SETBP1: variants seen among roughly 807,000 people sequenced by gnomAD.
SETBP1 encodes SET binding protein 1, also known as SET-binding protein.
A neutral mutation model predicts 101.0 loss-of-function variants in SETBP1; 9 were observed. That is an observed-to-expected ratio of 0.09 (90% confidence interval 0.05 to 0.16). SETBP1 has a LOEUF of 0.16. Among genes scored for constraint, SETBP1 ranks in the 10% least tolerant of loss-of-function variants. The probability of loss-of-function intolerance (pLI) is 1.00; values close to 1 mark genes in which losing one functional copy is unlikely to be tolerated. For synonymous variants in SETBP1, 818 were observed against 788.5 expected, an observed-to-expected ratio of 1.04 and a Z score of -0.63; for missense variants, 1,858 against 2,033.8, an observed-to-expected ratio of 0.91 and a Z score of 1.66.
chr18:45,021,321 T>C (rs1198976558), intron 4 of SETBP1, among the ~76,000 whole-genome samples: 1 of 152,206 alleles, frequency 6.6e-6, no homozygotes, highest in Non-Finnish European at 1.5e-5. Flanking sequence ...GATGCCACGG[T>C]TTAAATCTAT....
intron 2 of SETBP1, among the ~76,000 whole-genome samples, chr18:44,817,010 C>T (rs1175969347): frequency 1.3e-5 from 2 of 152,132 alleles, no homozygotes; most frequent in African/African-American, 4.8e-5. Context: ...TAGGTTAAAT[C>T]CAGACAGCAC....
rs535565756 is a variant in SETBP1, at chr18:44,767,776, C to T, written c.486+65944C>T. Among the ~76,000 whole-genome samples, 9 of 152,166 alleles carry T rather than the reference C, an allele frequency of 5.9e-5. No homozygotes were observed. The East Asian group carries it at 1.4e-3, about 23-fold the overall frequency. ...GTTTGACATCATCACTTATTTACAG[C>T]GTAGATATTAAGTGGGAATAAAACG... is the stretch of plus-strand genomic sequence containing the variant. On this transcript the variant is annotated intron_variant, in intron 2 of 5. Transcript: ENST00000649279.
At position 45,063,944 on chromosome 18, in the gene SETBP1, A is replaced by G. The variant is rs866126500; in HGVS notation, c.*246A>G. The G allele has an allele frequency of 8.9e-6, 4 of 449,320 alleles. No homozygotes were observed. The highest frequency in any genetic ancestry group is 7.7e-5 in the South Asian group (3 of 39,150). The allele number at this position is 449,320 out of a possible 1,614,324, so 27.8% of individuals were successfully genotyped here. On this transcript the variant is annotated 3_prime_UTR_variant, in exon 6 of 6. Transcript: ENST00000649279. ...CGCAGCTCCCACCACGCGGCGCTTCAGTACGGCTGGATCCTCCGCAGGCGA... is the reference window on the plus strand; with the variant it reads ...CGCAGCTCCCACCACGCGGCGCTTCGGTACGGCTGGATCCTCCGCAGGCGA...
intron 4 of SETBP1, chr18:44,989,142 C>G (rs1477583030): frequency 1.3e-5 from 2 of 152,154 alleles, no homozygotes; most frequent in South Asian, 4.1e-4. Flanking sequence ...ATTAGACCCA[C>G]TATATCTGGA....
intron 5 of SETBP1, among the ~76,000 whole-genome samples, chr18:45,043,007 A>G (rs962343011): frequency 6.6e-6 from 1 of 152,190 alleles, no homozygotes; most frequent in African/African-American, 2.4e-5. Flanking sequence ...AGCGCCACTA[A>G]AGTTTGCTCA....
chr18:44,866,431 T>A (rs1298868099), intron 2 of SETBP1, among the ~76,000 whole-genome samples: 1 of 152,252 alleles, frequency 6.6e-6, no homozygotes, highest in Non-Finnish European at 1.5e-5. Flanking sequence ...TTAAGTCATT[T>A]GACAAACAGG....
Position 44,847,013 on chromosome 18 carries a change from G to A in SETBP1, c.487-22217G>A, listed in dbSNP as rs567047159. ...GGTGGTCCCGGTCACGCAAAGAAAC[G>A]TAACTGAAATGGCCAGACTAGGGCC... On this transcript the variant is annotated intron_variant, in intron 2 of 5. Coordinates refer to ENST00000649279, the MANE Select transcript of SETBP1 (RefSeq NM_015559.3). Among the ~76,000 whole-genome samples the A allele has an allele frequency of 5.3e-5, 8 of 152,258 alleles. No individual in the cohort carries two copies. The East Asian group carries it at 1.5e-3, about 29-fold the overall frequency.
At position 44,905,652 on chromosome 18, in the gene SETBP1, G is replaced by A. The variant is rs561540424; in HGVS notation, c.540+36369G>A. On this transcript the variant is annotated intron_variant, in intron 3 of 5. Transcript: ENST00000649279. ...GACAGAAATGGGGATGTTGCAACAAGCCACAACATTCACAGCATTCAGTAT... is the reference window on the plus strand; with the variant it reads ...GACAGAAATGGGGATGTTGCAACAAACCACAACATTCACAGCATTCAGTAT... Among the ~76,000 whole-genome samples the A allele has an allele frequency of 2.0e-5, 3 of 152,304 alleles. No homozygotes were observed. In the East Asian group the frequency reaches 5.8e-4, roughly 29 times the overall value.
intron 2 of SETBP1, among the ~76,000 whole-genome samples, chr18:44,849,199 A>T (rs1281230592): frequency 3.3e-5 from 5 of 152,196 alleles, no homozygotes; most frequent in Admixed American, 6.5e-5. Context: ...TATTAGTAAA[A>T]TATCTCGGGA....
intron 3 of SETBP1, among the ~76,000 whole-genome samples, chr18:44,897,219 C>A (rs16978219): frequency 0.092 from 13,946 of 152,220 alleles, 755 homozygotes; most frequent in East Asian, 0.19. Context: ...TGAGGTGTGG[C>A]CCACAGTCTG....
At chr18:44,806,567 A>G (rs1213852531) in intron 2 of SETBP1, among the ~76,000 whole-genome samples, 2 of 130,414 alleles carry the variant, frequency 1.5e-5, no homozygotes, top group African/African-American at 5.9e-5. Context: ...AAACTAGCCT[A>G]CGTTTTCTGA....
At chr18:44,786,016 C>A (rs1365184322) in intron 2 of SETBP1, among the ~76,000 whole-genome samples, 1 of 152,174 alleles carries the variant, frequency 6.6e-6, no homozygotes, top group African/African-American at 2.4e-5. Context: ...ATGACCTTCT[C>A]TGTTTCATGG....
intron 5 of SETBP1, among the ~76,000 whole-genome samples, chr18:45,045,363 G>A (rs759290236): frequency 3.9e-5 from 6 of 152,154 alleles, no homozygotes; most frequent in Admixed American, 1.3e-4. Context: ...CCTGGGAGGC[G>A]GAGGTTGTAG....
rs147664529 is a variant in SETBP1 at position 44,880,296 on chromosome 18, C to T, written c.540+11013C>T. Among the ~76,000 whole-genome samples, 21 of 152,284 alleles carry T rather than the reference C, an allele frequency of 1.4e-4. No individual in the cohort carries two copies. The East Asian group carries it at 4.1e-3, about 29-fold the overall frequency. ...CATCTGCAGAAAAGAGCCATCCAGG[C>T]TGCAGAACTCTTGTTTCCAGCAAAT... On this transcript the variant is annotated intron_variant, in intron 3 of 5. Coordinates refer to ENST00000649279, the MANE Select transcript of SETBP1 (RefSeq NM_015559.3).
chr18:44,682,535 G>A (rs1409793295), intron 1 of SETBP1, among the ~76,000 whole-genome samples: 3 of 152,152 alleles, frequency 2.0e-5, no homozygotes, highest in South Asian at 2.1e-4. Flanking sequence ...TGAGGGAGGC[G>A]TGAGCTCTTT....
chr18:44,947,548 C>A (rs1444141463), intron 3 of SETBP1, among the ~76,000 whole-genome samples: 1 of 149,862 alleles, frequency 6.7e-6, no homozygotes, highest in Non-Finnish European at 1.5e-5. Context: ...GCCCAGGTGC[C>A]CAGGCTTGAG....
chr18:44,716,442 G>T (rs927648422), intron 2 of SETBP1, among the ~76,000 whole-genome samples: 1 of 152,216 alleles, frequency 6.6e-6, no homozygotes. Flanking sequence ...GCTTGCTAAA[G>T]GTGAGGCCTT....
chr18:44,815,174 A>C lies in SETBP1; in HGVS notation c.487-54056A>C, dbSNP rs577485350. Reference sequence around the variant, plus strand: ...TAAGCTCTTATCATATTTCCAGTGCATGTTGAGCACTAAGGAGTAATAGAG... The same window carrying C: ...TAAGCTCTTATCATATTTCCAGTGCCTGTTGAGCACTAAGGAGTAATAGAG... On this transcript the variant is annotated intron_variant, in intron 2 of 5. Transcript: ENST00000649279. Among the ~76,000 whole-genome samples the C allele has an allele frequency of 2.0e-5, 3 of 152,350 alleles. No individual in the cohort carries two copies. The South Asian group carries it at 6.2e-4, about 32-fold the overall frequency.
chr18:44,954,619 C>T (rs9783858), intron 4 of SETBP1, among the ~76,000 whole-genome samples: 71,510 of 152,038 alleles, frequency 0.47, 17,175 homozygotes, highest in Middle Eastern at 0.54. Context: ...ACTTAAAGAT[C>T]GCCCCAGATT....
Sources: gnomAD v4.1 joint callset for allele counts (sites outside exome capture counted in the v4.1 genomes callset) on GRCh38, gnomAD v4.1.1 for gene constraint, MANE v1.5 for transcripts, NCBI Gene and HGNC (gene_info 2026-07-23, HGNC 2026-07-21) for gene names.